ZFP1: variants seen among roughly 807,000 people sequenced by gnomAD.
ZFP1 encodes zinc finger protein 1 homolog.
A neutral mutation model predicts 38.5 loss-of-function variants in ZFP1; 32 were observed. The ratio of observed to expected loss-of-function variants is 0.83; its 90% CI spans 0.63 to 1.12. ZFP1 has a LOEUF of 1.12. Ranked by LOEUF, ZFP1 falls within the 50% of genes most tolerant of loss-of-function variation. The pLI is 0.00. For synonymous variants in ZFP1, 245 were observed against 168.8 expected (o/e 1.45, Z -3.50); for missense variants, 616 against 480.8 (o/e 1.28, Z -2.63).
chr16:75,166,234 G>C (rs1265305685), intron 2 of ZFP1, among the ~76,000 whole-genome samples: 1 of 151,870 alleles, frequency 6.6e-6, no homozygotes, highest in East Asian at 1.9e-4. Context: ...CTTGAGAGCA[G>C]AAACAGTGTT....
At chr16:75,169,090 G>A (rs1464915213) in intron 3 of ZFP1, among the ~76,000 whole-genome samples, 163 bp from the exon 4 acceptor site, 1 of 152,120 alleles carries the variant, frequency 6.6e-6, no homozygotes, top group African/African-American at 2.4e-5. Flanking sequence ...CTCTTTCAAA[G>A]TTTGAAAGGA....
At position 75,172,160 on chromosome 16, in the gene ZFP1, A is replaced by G. The variant is rs1480825384; in HGVS notation, c.*1826A>G. On this transcript the variant is annotated 3_prime_UTR_variant, in exon 4 of 4. Transcript: ENST00000570010. ...ACTCCAAACTTCTCTAGGTCAAATG[A>G]GGAAAGCAAGAGGGGAGAGAGAGAG... The G allele has an allele frequency of 1.3e-5, 2 of 152,208 alleles. No homozygotes were observed. The highest frequency in any genetic ancestry group is 2.4e-5 in the African/African-American group (1 of 41,464). The allele number at this position is 152,208 out of a possible 1,614,324, so 9.4% of individuals were successfully genotyped here.
chr16:75,122,026 G>C, the ZFP1 span, among the ~76,000 whole-genome samples: 475 of 146,090 alleles, frequency 3.3e-3, 4 homozygotes, highest in African/African-American at 0.012. Flanking sequence ...GCTTGTGTAA[G>C]CTTGTTAGAA....
upstream of ZFP1, among the ~76,000 whole-genome samples, chr16:75,148,161 A>G (rs2036980728): frequency 6.6e-6 from 1 of 152,244 alleles, no homozygotes; most frequent in Non-Finnish European, 1.5e-5. Flanking sequence ...TACGCAGTTA[A>G]TCTTTAGAAA....
the ZFP1 span, among the ~76,000 whole-genome samples, chr16:75,123,921 C>G: frequency 2.6e-5 from 3 of 115,040 alleles, no homozygotes; most frequent in Admixed American, 1.8e-4. Flanking sequence ...GAAACCCTGT[C>G]TCTACTAAAA....
chr16:75,149,443 C>G (rs1398404119), intron 1 of ZFP1, among the ~76,000 whole-genome samples: 7 of 152,190 alleles, frequency 4.6e-5, no homozygotes, highest in Non-Finnish European at 8.8e-5. Flanking sequence ...GATTCTGGTG[C>G]AGTCACGCTC....
chr16:75,152,876 A>G, intron 1 of ZFP1, 33 bp from the exon 2 acceptor site: 1 of 1,599,234 alleles, frequency 6.3e-7, no homozygotes, highest in Non-Finnish European at 8.5e-7. Context: ...TCAGACCTTT[A>G]ATAACAATGC....
At chr16:75,143,238 T>C in the ZFP1 span, among the ~76,000 whole-genome samples, 1 of 152,048 alleles carries the variant, frequency 6.6e-6, no homozygotes, top group Non-Finnish European at 1.5e-5. Flanking sequence ...GGCCTGAATT[T>C]TTTGTTTTGT....
At chr16:75,132,825 A>AT in the ZFP1 span, among the ~76,000 whole-genome samples, 919 of 134,792 alleles carry the variant, frequency 6.8e-3, 4 homozygotes, top group South Asian at 0.017. Flanking sequence ...CATGGCTAGT[A>AT]TTTTTTTTTT....
At chr16:75,134,813 T>C in the ZFP1 span, among the ~76,000 whole-genome samples, 2 of 150,846 alleles carry the variant, frequency 1.3e-5, no homozygotes, top group African/African-American at 4.9e-5. Flanking sequence ...ATCCCAGCAC[T>C]TGGGGAGGCC....
intron 2 of ZFP1, among the ~76,000 whole-genome samples, chr16:75,165,638 C>T (rs541538051): frequency 2.0e-5 from 3 of 152,248 alleles, no homozygotes; most frequent in South Asian, 2.1e-4. Context: ...CCGCCCACCT[C>T]GGCTTCCTAA....
At chr16:75,127,415 G>A in the ZFP1 span, among the ~76,000 whole-genome samples, 1 of 152,164 alleles carries the variant, frequency 6.6e-6, no homozygotes, top group Admixed American at 6.6e-5. Flanking sequence ...GCATGAGCAT[G>A]AAGAGGGAAG....
the ZFP1 span, among the ~76,000 whole-genome samples, chr16:75,139,387 A>AAAAAAAAAAACAAAAAC: frequency 6.9e-6 from 1 of 144,126 alleles, no homozygotes; most frequent in African/African-American, 2.8e-5. Context: ...AAAAAAAAAA[A>AAAAAAAAAAACAAAAAC]AAAAAAAAAC....
At position 75,170,413 on chromosome 16, in the gene ZFP1, G is replaced by A. The variant is rs1274789395; in HGVS notation, c.*79G>A. ...TGAAAAACCTCATGACAGTATTGAG[G>A]GAACATGGGAATTCATACTGAGATG... On this transcript the variant is annotated 3_prime_UTR_variant, in exon 4 of 4. Coordinates refer to ENST00000570010, the MANE Select transcript of ZFP1 (RefSeq NM_153688.4). The A allele has an allele frequency of 4.1e-6, 6 of 1,461,174 alleles. No individual in the cohort carries two copies. Among genetic ancestry groups the A allele is most frequent in the South Asian group, 1.6e-5 (1 of 60,692 alleles). 90.5% of individuals were successfully genotyped at this position (1,461,174 alleles called of 1,614,324 possible).
the ZFP1 span, among the ~76,000 whole-genome samples, chr16:75,137,556 G>A: frequency 2.3e-5 from 1 of 44,268 alleles, no homozygotes; most frequent in African/African-American, 4.9e-5. Context: ...CGCCTCCTGG[G>A]TTCACGCCAT....
the ZFP1 span, among the ~76,000 whole-genome samples, chr16:75,122,464 G>A: frequency 6.6e-6 from 1 of 152,186 alleles, no homozygotes; most frequent in East Asian, 1.9e-4. Flanking sequence ...CGGGAAAGTT[G>A]TTTACTGAAA....
chr16:75,125,715 A>G, the ZFP1 span, among the ~76,000 whole-genome samples: 8,502 of 152,092 alleles, frequency 0.056, 803 homozygotes, highest in African/African-American at 0.19. Context: ...TGTTTTTACT[A>G]GGGCTTATCA....
chr16:75,142,360 C>G, the ZFP1 span, among the ~76,000 whole-genome samples: 1 of 140,624 alleles, frequency 7.1e-6, no homozygotes, highest in East Asian at 2.0e-4. Context: ...AGCAAGACTT[C>G]CTAAAAAAAA....
At chr16:75,150,252 A>T (rs2037125675) in intron 1 of ZFP1, among the ~76,000 whole-genome samples, 1 of 142,214 alleles carries the variant, frequency 7.0e-6, no homozygotes. Flanking sequence ...TCTGTTGCCC[A>T]GTCTGGAGTG....
Sources: allele counts gnomAD v4.1 joint callset (sites outside exome capture counted in the v4.1 genomes callset), GRCh38; gene constraint gnomAD v4.1.1; transcripts MANE v1.5; gene names NCBI Gene and HGNC (gene_info 2026-07-23, HGNC 2026-07-21).